Variants in RPAP2 observed in about 807,000 individuals in gnomAD.
The protein encoded by RPAP2 is RNA polymerase II associated protein 2.
Under a neutral mutation model 73.1 loss-of-function variants are expected in RPAP2, and 52 were observed. The observed-to-expected ratio is 0.71, with a 90% confidence interval of 0.57 to 0.90. The LOEUF (loss-of-function observed/expected upper bound fraction) is 0.90. RPAP2 is among the 40% of genes least tolerant of loss of function. The probability of loss-of-function intolerance (pLI) is 0.00; values close to 1 mark genes in which losing one functional copy is unlikely to be tolerated. For synonymous variants in RPAP2, 225 were observed against 242.1 expected, an observed-to-expected ratio of 0.93 and a Z score of 0.65; for missense variants, 598 against 701.8, an observed-to-expected ratio of 0.85 and a Z score of 1.67.
chr1:92,389,625 G>T lies in RPAP2; in HGVS notation c.*2614G>T, dbSNP rs568305104. ...CTAAAGGAGCATGTTCTAATGCGTC[G>T]CAAGGAAGCTAAAAATCTTGAAAAA... On this transcript the variant is annotated 3_prime_UTR_variant, in exon 13 of 13. Coordinates refer to ENST00000610020, the MANE Select transcript of RPAP2 (RefSeq NM_024813.3). The T allele has an allele frequency of 6.6e-6, 1 of 152,112 alleles. No homozygotes were observed. Among genetic ancestry groups the T allele is most frequent in the Non-Finnish European group, 1.5e-5 (1 of 68,008 alleles). The allele number at this position is 152,112 out of a possible 1,614,324, so 9.4% of individuals were successfully genotyped here. A position where few individuals can be genotyped will look rare whatever the true frequency, so the allele number is the denominator to read the frequency against.
rs1268783913 is a variant in RPAP2, at chr1:92,394,281, A to G, written c.*7270A>G. The G allele has an allele frequency of 6.6e-6, 1 of 152,128 alleles. No homozygotes were observed. Among genetic ancestry groups the G allele is most frequent in the African/African-American group, 2.4e-5 (1 of 41,402 alleles). 9.4% of individuals were successfully genotyped at this position (152,128 alleles called of 1,614,324 possible). The stretch of plus-strand genomic sequence containing the variant: ...CATAAGTGGGAGTTAAACAATGAGA[A>G]CACATGGACACAGGGAGGGTAACAT... On this transcript the variant is annotated 3_prime_UTR_variant, in exon 13 of 13. Coordinates refer to ENST00000610020, the MANE Select transcript of RPAP2 (RefSeq NM_024813.3).
In RPAP2 at chr1:92,307,199, C is replaced by A. The variant is rs1651302367; in HGVS notation, c.411C>A (p.Ser137Arg). 6.2e-7 allele frequency: 1 copy of A among 1,610,100 alleles called. No homozygotes were observed. Among genetic ancestry groups the A allele is most frequent in the Non-Finnish European group, 8.5e-7 (1 of 1,178,186 alleles). The change falls in exon 6 of 13, where the codon AGC (serine) becomes AGA (arginine). Residue 137 changes from serine (S) to arginine (R), a missense_variant. Coordinates refer to ENST00000610020, the MANE Select transcript of RPAP2 (RefSeq NM_024813.3). ...YDITERKSFC[S>R]NFCYQASKFF... is the part of the protein sequence containing the mutation. ...AATGTTCTTTTCAGTCTTTTTGCAG[C>A]AATTTTTGTTATCAAGCATCTAAGT...
rs928672878 is a variant in RPAP2, at chr1:92,395,477, A to C, written c.*8466A>C. 1.3e-5 allele frequency: 2 copies of C among 151,906 alleles called. No homozygotes were observed. The highest frequency in any genetic ancestry group is 4.8e-5 in the African/African-American group (2 of 41,352). 9.4% of individuals were successfully genotyped at this position (151,906 alleles called of 1,614,324 possible). A position where few individuals can be genotyped will look rare whatever the true frequency, so the allele number is the denominator to read the frequency against. ...AGAGCAAAATGCCATCTCCACAAAA[A>C]ATACAAAAATTAACCAGGCATGGTG... On this transcript the variant is annotated 3_prime_UTR_variant, in exon 13 of 13. Coordinates refer to ENST00000610020, the MANE Select transcript of RPAP2 (RefSeq NM_024813.3).
chr1:92,371,730 T>TAAA (rs918047935), intron 11 of RPAP2, among the ~76,000 whole-genome samples: 4 of 145,692 alleles, frequency 2.7e-5, no homozygotes, highest in African/African-American at 7.5e-5. Flanking sequence ...TGTGGAATCT[T>TAAA]AAAAAAAAAA....
chr1:92,345,400 AAGAG>A (rs1180516669), intron 10 of RPAP2, among the ~76,000 whole-genome samples: 46 of 138,316 alleles, frequency 3.3e-4, no homozygotes, highest in Middle Eastern at 3.5e-3. Flanking sequence ...AAAAAAAAAA[AAGAG>A]AGAGAGAGAA....
At chr1:92,315,900 C>G (rs886738338) in intron 6 of RPAP2, among the ~76,000 whole-genome samples, 1 of 152,126 alleles carries the variant, frequency 6.6e-6, no homozygotes, top group African/African-American at 2.4e-5. Flanking sequence ...TGGGTCGTGA[C>G]GCACTGTGAT....
intron 6 of RPAP2, among the ~76,000 whole-genome samples, chr1:92,311,901 A>AG (rs1651615415): frequency 6.6e-6 from 1 of 152,202 alleles, no homozygotes; most frequent in Non-Finnish European, 1.5e-5. Flanking sequence ...GCCTTCAGCA[A>AG]GTATTAATCT....
intron 11 of RPAP2, among the ~76,000 whole-genome samples, chr1:92,355,187 A>G (rs1654403630): frequency 6.6e-6 from 1 of 152,024 alleles, no homozygotes; most frequent in Non-Finnish European, 1.5e-5. Context: ...TTTTTTTAAT[A>G]TAATTATTCT....
chr1:92,300,360 G>C, intron 2 of RPAP2, 121 bp downstream of exon 2: 1 of 719,302 alleles, frequency 1.4e-6, no homozygotes, highest in Non-Finnish European at 2.3e-6. Flanking sequence ...GAGAGGGAAG[G>C]GAAAGATCTG....
intron 12 of RPAP2, among the ~76,000 whole-genome samples, chr1:92,386,511 G>C (rs762454223): frequency 6.6e-6 from 1 of 152,166 alleles, no homozygotes; most frequent in Admixed American, 6.5e-5. Flanking sequence ...GAAGGAAAGA[G>C]AAGGGCTTTT....
intron 11 of RPAP2, among the ~76,000 whole-genome samples, chr1:92,348,185 G>A (rs1654012192): frequency 6.6e-6 from 1 of 152,098 alleles, no homozygotes; most frequent in Non-Finnish European, 1.5e-5. Flanking sequence ...CACTGCATCC[G>A]GCCTAGGGCA....
chr1:92,374,808 A>T (rs1397026302), intron 11 of RPAP2, among the ~76,000 whole-genome samples: 1 of 152,208 alleles, frequency 6.6e-6, no homozygotes, highest in Non-Finnish European at 1.5e-5. Flanking sequence ...GTAATAAAAC[A>T]TAAAGTTGAT....
At chr1:92,321,782 T>C (rs1223267083) in intron 7 of RPAP2, among the ~76,000 whole-genome samples, 2 of 152,132 alleles carry the variant, frequency 1.3e-5, no homozygotes, top group Non-Finnish European at 2.9e-5. Context: ...TGTTCTGCTA[T>C]GACTTTCCTG....
intron 11 of RPAP2, among the ~76,000 whole-genome samples, chr1:92,356,943 G>A (rs968931724): frequency 6.6e-6 from 1 of 151,920 alleles, no homozygotes; most frequent in Admixed American, 6.6e-5. Flanking sequence ...GGGACCGCCT[G>A]TAATCTCAGC....
chr1:92,316,958 C>G (rs997355262), intron 6 of RPAP2, among the ~76,000 whole-genome samples: 12 of 152,006 alleles, frequency 7.9e-5, no homozygotes, highest in African/African-American at 2.4e-4. Context: ...GATCTAGAAA[C>G]AATGTTGAGT....
chr1:92,313,443 CTTTT>C (rs35793049), intron 6 of RPAP2, among the ~76,000 whole-genome samples: 7 of 145,042 alleles, frequency 4.8e-5, no homozygotes, highest in African/African-American at 1.8e-4. Flanking sequence ...GGAAAGGAAT[CTTTT>C]TTTTTTTTTT....
intron 11 of RPAP2, among the ~76,000 whole-genome samples, chr1:92,363,062 CA>C (rs1440928828): frequency 1.3e-5 from 2 of 151,936 alleles, no homozygotes; most frequent in Non-Finnish European, 1.5e-5. Flanking sequence ...ACTCCTTCTC[CA>C]GGGGGAAAAA....
chr1:92,334,065 G>T (rs1653130203), intron 9 of RPAP2, among the ~76,000 whole-genome samples: 1 of 151,942 alleles, frequency 6.6e-6, no homozygotes, highest in African/African-American at 2.4e-5. Context: ...TTTTCCCAGA[G>T]GTATGAGGGC....
chr1:92,309,386 G>A (rs1269599596), intron 6 of RPAP2, among the ~76,000 whole-genome samples: 1 of 151,032 alleles, frequency 6.6e-6, no homozygotes, highest in Non-Finnish European at 1.5e-5. Context: ...AGGTTGCAGT[G>A]AGCTGAGATC....
Sources: gnomAD v4.1 joint callset for allele counts (sites outside exome capture counted in the v4.1 genomes callset) on GRCh38, gnomAD v4.1.1 for gene constraint, MANE v1.5 for transcripts, NCBI Gene and HGNC (gene_info 2026-07-23, HGNC 2026-07-21) for gene names.